Variants in SCGB2B2 observed in about 807,000 individuals in gnomAD.
The protein encoded by SCGB2B2 is secretoglobin-like protein.
In SCGB2B2, 11 loss-of-function variants were observed where a neutral mutation model predicts 7.6. That is an observed-to-expected ratio of 1.45 (90% confidence interval 0.91 to 2.40). The LOEUF is 2.40. Ranked by LOEUF, SCGB2B2 falls within the 30% of genes most tolerant of loss-of-function variation. The pLI is 0.00. For missense variants in SCGB2B2, 104 were observed against 115.4 expected (o/e 0.90, Z 0.45); for synonymous variants, 50 against 48.6 (o/e 1.03, Z -0.12).
rs182878139 is a variant in SCGB2B2, at chr19:34,625,930, G to C, written c.-2031-29336C>G. On this transcript the variant is annotated intron_variant, in intron 1 of 3. Coordinates refer to ENST00000601241, the MANE Select transcript of SCGB2B2 (RefSeq NM_001025591.4). The stretch of plus-strand genomic sequence containing the variant: ...CTCCTCTGAGACAAAACTTTCAGAG[G>C]AACGATCAGGCAGCAACATTTGCTT... 4.4e-3 allele frequency among the ~76,000 whole-genome samples: 670 copies of C among 152,286 alleles called. 4 individuals carry two copies. Among genetic ancestry groups the C allele is most frequent in the African/African-American group, 0.016 (650 of 41,562 alleles).
intron 1 of SCGB2B2, among the ~76,000 whole-genome samples, chr19:34,657,640 A>G (rs1460104420): frequency 6.6e-6 from 1 of 152,166 alleles, no homozygotes; most frequent in Non-Finnish European, 1.5e-5. Flanking sequence ...AGACTCCCAC[A>G]CCATAATAAT....
rs1435788615 is a variant in SCGB2B2, at chr19:34,593,275, G to A, written c.*280C>T. 9 of 356,906 alleles carry A rather than the reference G, an allele frequency of 2.5e-5. No individual in the cohort carries two copies. The highest frequency in any genetic ancestry group is 4.6e-5 in the East Asian group (1 of 21,576). 22.1% of individuals were successfully genotyped at this position (356,906 alleles called of 1,614,324 possible). A position where few individuals can be genotyped will look rare whatever the true frequency, so the allele number is the denominator to read the frequency against. On this transcript the variant is annotated 3_prime_UTR_variant, in exon 4 of 4. Coordinates refer to ENST00000601241, the MANE Select transcript of SCGB2B2 (RefSeq NM_001025591.4). ...GTGGAGGCTGCAGTGAGCCAAGATC[G>A]CGCCAATGCACTCCAGCCACCCTCC... is the stretch of plus-strand genomic sequence containing the variant.
chr19:34,615,703 T>TTGAA (rs2066055233), intron 1 of SCGB2B2, among the ~76,000 whole-genome samples: 3 of 152,172 alleles, frequency 2.0e-5, no homozygotes, highest in African/African-American at 7.2e-5. Flanking sequence ...TAAAATGTGT[T>TTGAA]TGAAAGTATT....
chr19:34,663,615 T>C (rs777715390), intron 1 of SCGB2B2, among the ~76,000 whole-genome samples: 18 of 152,164 alleles, frequency 1.2e-4, no homozygotes, highest in Non-Finnish European at 2.4e-4. Flanking sequence ...CGGGAGGAGC[T>C]CACCATGACC....
At chr19:34,606,219 A>G (rs2145810724) in intron 1 of SCGB2B2, among the ~76,000 whole-genome samples, 1 of 152,252 alleles carries the variant, frequency 6.6e-6, no homozygotes, top group African/African-American at 2.4e-5. Context: ...TTTAAAATGT[A>G]CAGCTTTAAC....
chr19:34,631,894 T>C (rs1434023018), intron 1 of SCGB2B2: 3 of 152,108 alleles, frequency 2.0e-5, no homozygotes, highest in Non-Finnish European at 4.4e-5. Context: ...TAGTGTAAAA[T>C]TATGTTAAAT....
Position 34,657,232 on chromosome 19 carries a change from G to T in SCGB2B2, c.-2032+18398C>A, listed in dbSNP as rs150641828. ...TTAATACATGTATAAGAGCACCATA[G>T]AAATACATATGTATTACCAACATTA... On this transcript the variant is annotated intron_variant, in intron 1 of 3. Transcript: ENST00000601241. 2.2e-4 allele frequency among the ~76,000 whole-genome samples: 34 copies of T among 151,324 alleles called. 1 individual carries two copies. Among genetic ancestry groups the T allele is most frequent in the African/African-American group, 7.4e-4 (30 of 40,636 alleles).
intron 1 of SCGB2B2, among the ~76,000 whole-genome samples, chr19:34,661,312 A>T (rs1266060600): frequency 6.6e-6 from 1 of 152,216 alleles, no homozygotes; most frequent in Non-Finnish European, 1.5e-5. Flanking sequence ...CATTAAAAAA[A>T]AGAAATACAT....
At chr19:34,598,306 G>T (rs999462404) in intron 1 of SCGB2B2, among the ~76,000 whole-genome samples, 4 of 152,166 alleles carry the variant, frequency 2.6e-5, no homozygotes, top group Non-Finnish European at 5.9e-5. Context: ...GGTCTGTAGG[G>T]TCTAGGGAAT....
intron 1 of SCGB2B2, among the ~76,000 whole-genome samples, chr19:34,624,947 G>A (rs912636965): frequency 6.6e-6 from 1 of 152,170 alleles, no homozygotes; most frequent in African/African-American, 2.4e-5. Flanking sequence ...AGAGGATAAG[G>A]AGCCTTGGAA....
At chr19:34,635,315 G>T in intron 1 of SCGB2B2, 1 of 281,324 alleles carries the variant, frequency 3.6e-6, no homozygotes, top group Non-Finnish European at 7.4e-6. Context: ...GTGTGTGTTT[G>T]CTGCTATAGG....
chr19:34,664,835 C>T (rs1430587783), intron 1 of SCGB2B2, among the ~76,000 whole-genome samples: 1 of 152,058 alleles, frequency 6.6e-6, no homozygotes, highest in Admixed American at 6.5e-5. Context: ...CACTTAGAGG[C>T]CAGGAAGCAG....
At chr19:34,670,301 T>C (rs547882339) in intron 1 of SCGB2B2, among the ~76,000 whole-genome samples, 20 of 152,364 alleles carry the variant, frequency 1.3e-4, no homozygotes, top group East Asian at 7.7e-4. Flanking sequence ...AGTGGATGTT[T>C]ACCTTTTCAC....
At chr19:34,667,935 CT>C (rs199828302) in intron 1 of SCGB2B2, among the ~76,000 whole-genome samples, 4,198 of 152,336 alleles carry the variant, frequency 0.028, 64 homozygotes, top group Non-Finnish European at 0.038. Flanking sequence ...GATTTTGCCC[CT>C]GGTCACCCTT....
At position 34,594,651 on chromosome 19, in the gene SCGB2B2, TCGTGTGTGTGTGTGTG is replaced by T; in HGVS notation, c.-104_-89del. On this transcript the variant is annotated 5_prime_UTR_variant, in exon 2 of 4. The change abolishes the stop of an existing upstream ORF in the 5' untranslated region. Coordinates refer to ENST00000601241, the MANE Select transcript of SCGB2B2 (RefSeq NM_001025591.4). ...ATATCTGAACAAGGCACATGCCTCT[TCGTGTGTGTGTGTGTG>T]TGTGTGTGTGTGTGTGTGTGTGTGT... 1 of 791,454 alleles carries T rather than the reference TCGTGTGTGTGTGTGTG, an allele frequency of 1.3e-6. No individual in the cohort carries two copies. Among genetic ancestry groups the T allele is most frequent in the South Asian group, 1.5e-5 (1 of 67,136 alleles). 49.0% of individuals were successfully genotyped at this position (791,454 alleles called of 1,614,324 possible).
At chr19:34,661,861 T>G (rs1190467975) in intron 1 of SCGB2B2, among the ~76,000 whole-genome samples, 1 of 151,988 alleles carries the variant, frequency 6.6e-6, no homozygotes, top group Non-Finnish European at 1.5e-5. Flanking sequence ...CTATTGTTAG[T>G]GTTAGTGTAT....
intron 1 of SCGB2B2, among the ~76,000 whole-genome samples, chr19:34,598,340 G>A (rs1337629987): frequency 6.6e-6 from 1 of 152,208 alleles, no homozygotes; most frequent in Admixed American, 6.5e-5. Context: ...GACCTGAGCC[G>A]TGTCCCTCAG....
chr19:34,608,736 A>C (rs2065852035), intron 1 of SCGB2B2: 1 of 140,112 alleles, frequency 7.1e-6, no homozygotes, highest in Non-Finnish European at 1.5e-5. Context: ...GGTTGAGTCA[A>C]ATCTTGGCTG....
chr19:34,607,662 A>ATGTT (rs762770790), intron 1 of SCGB2B2, among the ~76,000 whole-genome samples: 1 of 152,206 alleles, frequency 6.6e-6, no homozygotes, highest in Non-Finnish European at 1.5e-5. Flanking sequence ...GTAAGGTGGT[A>ATGTT]TGTTGTGGTT....
Sources: gnomAD v4.1 joint callset for allele counts (sites outside exome capture counted in the v4.1 genomes callset) on GRCh38, gnomAD v4.1.1 for gene constraint, MANE v1.5 for transcripts, NCBI Gene and HGNC (gene_info 2026-07-23, HGNC 2026-07-21) for gene names.